Variants in PCDHA11 observed in about 807,000 individuals in gnomAD.
The protein encoded by PCDHA11 is protocadherin alpha-11.
PCDHA11 carries 61 observed loss-of-function variants against 70.3 expected under a neutral mutation model. The observed-to-expected ratio is 0.87, with a 90% CI of 0.71 to 1.07. PCDHA11 has a LOEUF of 1.07. PCDHA11 is among the 50% of genes least tolerant of loss of function. The probability of loss-of-function intolerance (pLI) is 0.00; values close to 1 mark genes in which losing one functional copy is unlikely to be tolerated. For synonymous variants in PCDHA11, 633 were observed against 555.1 expected, an observed-to-expected ratio of 1.14 and a Z score of -1.97; for missense variants, 1,324 against 1,237.5, an observed-to-expected ratio of 1.07 and a Z score of -1.05.
chr5:140,977,232 A>G (rs2096751038), intron 1 of PCDHA11, among the ~76,000 whole-genome samples: 1 of 152,368 alleles, frequency 6.6e-6, no homozygotes, highest in East Asian at 1.9e-4. Flanking sequence ...ACCCAATCAT[A>G]GAAAAATTGG....
chr5:140,875,329 T>C, intron 1 of PCDHA11: 1 of 1,437,476 alleles, frequency 7.0e-7, no homozygotes, highest in Non-Finnish European at 9.1e-7. Flanking sequence ...ATTCACGGAA[T>C]AGGATCGACT....
chr5:141,008,718 T>C (rs2098388409), intron 3 of PCDHA11, among the ~76,000 whole-genome samples: 1 of 152,230 alleles, frequency 6.6e-6, no homozygotes, highest in Non-Finnish European at 1.5e-5. Context: ...TGCTTGAGTG[T>C]ATGTCCAACT....
At chr5:140,926,906 G>T in intron 1 of PCDHA11, 1 of 1,559,584 alleles carries the variant, frequency 6.4e-7, no homozygotes, top group Non-Finnish European at 8.7e-7. Context: ...GTGGGCTGTG[G>T]GGTGGCAGTT....
chr5:140,911,055 G>A lies in PCDHA11; in HGVS notation c.2391+39561G>A, dbSNP rs576580251. The stretch of plus-strand genomic sequence containing the variant: ...CTAGAAGCAAACAGGGGTGGTGGGG[G>A]GTGGGTCCTGAGGAGAATCAACATT... On this transcript the variant is annotated intron_variant, in intron 1 of 3. Transcript: ENST00000398640. 5.3e-5 allele frequency among the ~76,000 whole-genome samples: 8 copies of A among 152,158 alleles called. 1 individual carries two copies. The highest frequency in any genetic ancestry group is 5.2e-4 in the Admixed American group (8 of 15,266).
intron 1 of PCDHA11, among the ~76,000 whole-genome samples, chr5:140,879,279 A>G (rs2057928398): frequency 2.0e-5 from 3 of 152,250 alleles, no homozygotes; most frequent in East Asian, 3.8e-4. Flanking sequence ...CAGACTCAAT[A>G]CAAATGATAA....
In PCDHA11 at chr5:141,010,434, A is replaced by G; in HGVS notation, c.*497A>G. 9.7e-7 allele frequency: 1 copy of G among 1,031,156 alleles called. No homozygotes were observed. Among genetic ancestry groups the G allele is most frequent in the Non-Finnish European group, 1.4e-6 (1 of 732,962 alleles). 63.9% of individuals were successfully genotyped at this position (1,031,156 alleles called of 1,614,324 possible). A position where few individuals can be genotyped will look rare whatever the true frequency, so the allele number is the denominator to read the frequency against. ...TTGGTACAAGGAAGGCAAGAAAACA[A>G]AGACAAATAAACAGCGGAAGTTATC... On this transcript the variant is annotated 3_prime_UTR_variant, in exon 4 of 4. Transcript: ENST00000398640.
chr5:140,910,200 A>C (rs1471024317), intron 1 of PCDHA11, among the ~76,000 whole-genome samples: 1 of 152,200 alleles, frequency 6.6e-6, no homozygotes, highest in East Asian at 1.9e-4. Flanking sequence ...TCTTTTGTCC[A>C]CTTGACCTGG....
chr5:140,880,739 A>G (rs1349403476), intron 1 of PCDHA11, among the ~76,000 whole-genome samples: 1 of 152,204 alleles, frequency 6.6e-6, no homozygotes, highest in South Asian at 2.1e-4. Context: ...GAGAAAATGG[A>G]TTGTCAGTGT....
intron 1 of PCDHA11, among the ~76,000 whole-genome samples, chr5:140,964,320 T>C (rs782388382): frequency 1.3e-5 from 2 of 152,206 alleles, no homozygotes; most frequent in Non-Finnish European, 2.9e-5. Context: ...TAAAACAGCA[T>C]AATGGACAAC....
intron 1 of PCDHA11, among the ~76,000 whole-genome samples, chr5:140,924,896 AAAAAAAAAATAAAAT>A (rs1195249436): frequency 5.8e-5 from 4 of 69,076 alleles, no homozygotes; most frequent in Non-Finnish European, 9.1e-5. Flanking sequence ...ACCTGTCTCA[AAAAAAAAAATAAAAT>A]AAAATAAAAT....
intron 1 of PCDHA11, among the ~76,000 whole-genome samples, chr5:140,917,287 G>C (rs190210744): frequency 6.8e-6 from 1 of 147,568 alleles, no homozygotes; most frequent in Non-Finnish European, 1.5e-5. Context: ...ACGCTTTTCC[G>C]TGTGCAGATA....
intron 1 of PCDHA11, among the ~76,000 whole-genome samples, chr5:140,899,419 A>G (rs1583341890): frequency 6.6e-6 from 1 of 152,318 alleles, no homozygotes; most frequent in Non-Finnish European, 1.5e-5. Flanking sequence ...GAATTTTGTC[A>G]AAGGTCTTTT....
intron 1 of PCDHA11, chr5:140,875,916 G>GC: frequency 6.2e-7 from 1 of 1,614,086 alleles, no homozygotes. Context: ...CTGCGCCTCT[G>GC]GACTCTCATT....
intron 1 of PCDHA11, among the ~76,000 whole-genome samples, chr5:140,950,403 A>C (rs2094477208): frequency 6.6e-6 from 1 of 151,818 alleles, no homozygotes; most frequent in Admixed American, 6.6e-5. Flanking sequence ...ATTCTGGGGG[A>C]TTGACAGATT....
At chr5:140,949,944 T>TTTAGTGG (rs2094435490) in intron 1 of PCDHA11, among the ~76,000 whole-genome samples, 1 of 151,908 alleles carries the variant, frequency 6.6e-6, no homozygotes, top group South Asian at 2.1e-4. Context: ...ATTTGCATTT[T>TTTAGTGG]TTAGTGGTTG....
chr5:141,002,497 CT>C (rs1310638544), intron 3 of PCDHA11, among the ~76,000 whole-genome samples: 1 of 152,204 alleles, frequency 6.6e-6, no homozygotes, highest in Non-Finnish European at 1.5e-5. Flanking sequence ...TGTTATACAG[CT>C]CAGGATCTGA....
At chr5:140,918,097 A>C (rs193088313) in intron 1 of PCDHA11, among the ~76,000 whole-genome samples, 2 of 152,192 alleles carry the variant, frequency 1.3e-5, no homozygotes, top group Non-Finnish European at 2.9e-5. Flanking sequence ...CTTTTTATAG[A>C]GATCTTTCAC....
chr5:140,966,953 C>A, intron 1 of PCDHA11: 1 of 1,603,802 alleles, frequency 6.2e-7, no homozygotes. Flanking sequence ...CAACGTGGCT[C>A]GCGCGCTGGG....
intron 1 of PCDHA11, chr5:140,882,163 GC>G: frequency 6.6e-7 from 1 of 1,509,690 alleles, no homozygotes; most frequent in Non-Finnish European, 8.9e-7. Flanking sequence ...AATACCTCTT[GC>G]GAATCCTTCC....
Sources: gnomAD v4.1 joint callset for allele counts (sites outside exome capture counted in the v4.1 genomes callset) on GRCh38, gnomAD v4.1.1 for gene constraint, MANE v1.5 for transcripts, NCBI Gene and HGNC (gene_info 2026-07-23, HGNC 2026-07-21) for gene names.